The following PLPPR1 variants were observed in gnomAD, a reference collection of about 807,000 sequenced individuals.
PLPPR1 encodes the protein phospholipid phosphatase-related protein type 1.
A neutral mutation model predicts 33.1 loss-of-function variants in PLPPR1; 10 were observed. The ratio of observed to expected loss-of-function variants is 0.30; its 90% confidence interval spans 0.19 to 0.51. PLPPR1 has a LOEUF of 0.51. Ranked by LOEUF, PLPPR1 falls within the 20% of genes least tolerant of loss-of-function variation. The pLI is 0.97. For synonymous variants in PLPPR1, 151 were observed against 151.0 expected, an observed-to-expected ratio of 1.00 and a Z score of 0.00; for missense variants, 304 against 408.1, an observed-to-expected ratio of 0.74 and a Z score of 2.20.
At chr9:101,229,422 A>G (rs1827138170) in intron 2 of PLPPR1, among the ~76,000 whole-genome samples, 1 of 152,094 alleles carries the variant, frequency 6.6e-6, no homozygotes, top group Non-Finnish European at 1.5e-5. Context: ...ATTTTTTTCC[A>G]TTTATAAAAC....
At chr9:101,134,572 T>C (rs538906848) in intron 1 of PLPPR1, among the ~76,000 whole-genome samples, 3 of 151,906 alleles carry the variant, frequency 2.0e-5, no homozygotes, top group South Asian at 2.1e-4. Flanking sequence ...TTTGTAGAGA[T>C]AGTGTTTTGC....
At chr9:101,182,644 T>C (rs1341856081) in intron 1 of PLPPR1, among the ~76,000 whole-genome samples, 1 of 151,720 alleles carries the variant, frequency 6.6e-6, no homozygotes, top group African/African-American at 2.4e-5. Flanking sequence ...TTCTTTAAGA[T>C]GGTTAACTTT....
intron 2 of PLPPR1, among the ~76,000 whole-genome samples, chr9:101,241,398 T>C (rs983573565): frequency 1.2e-4 from 18 of 152,168 alleles, no homozygotes; most frequent in Middle Eastern, 3.4e-3. Flanking sequence ...ACATAAAATA[T>C]ACTAACACTA....
At chr9:101,313,938 T>G in intron 6 of PLPPR1, among the ~76,000 whole-genome samples, 1 of 152,348 alleles carries the variant, frequency 6.6e-6, no homozygotes, top group South Asian at 2.1e-4. Context: ...ATCTTTCACC[T>G]AGCATAATTA....
chr9:101,251,378 G>T (rs113178773), intron 2 of PLPPR1, among the ~76,000 whole-genome samples: 7 of 152,138 alleles, frequency 4.6e-5, no homozygotes, highest in South Asian at 2.1e-4. Context: ...AGATTGCTCT[G>T]GAAATGCAAT....
chr9:101,196,743 T>C (rs552013005), intron 2 of PLPPR1, among the ~76,000 whole-genome samples: 1 of 152,000 alleles, frequency 6.6e-6, no homozygotes, highest in South Asian at 2.1e-4. Context: ...CGGGTGCCTG[T>C]AGTCCCAGCT....
chr9:101,184,116 C>T (rs1826164928), intron 1 of PLPPR1, among the ~76,000 whole-genome samples: 1 of 151,516 alleles, frequency 6.6e-6, no homozygotes, highest in African/African-American at 2.4e-5. Context: ...AGATTCCTTT[C>T]TTATTGTAGA....
At chr9:101,154,855 G>A (rs1034804571) in intron 1 of PLPPR1, among the ~76,000 whole-genome samples, 1 of 150,962 alleles carries the variant, frequency 6.6e-6, no homozygotes, top group Non-Finnish European at 1.5e-5. Context: ...GCAAACTATC[G>A]CAAGGACAAA....
intron 4 of PLPPR1, among the ~76,000 whole-genome samples, chr9:101,290,410 A>C (rs1180150557): frequency 6.6e-6 from 1 of 152,190 alleles, no homozygotes; most frequent in Non-Finnish European, 1.5e-5. Flanking sequence ...TCCACATTGC[A>C]AAAAAGGCCA....
chr9:101,068,951 C>T (rs1830450996), intron 1 of PLPPR1, among the ~76,000 whole-genome samples: 2 of 152,016 alleles, frequency 1.3e-5, no homozygotes, highest in Admixed American at 1.3e-4. Flanking sequence ...AAATGTTTTA[C>T]AAAACAAAAC....
chr9:101,219,518 C>T (rs897824179), intron 2 of PLPPR1, among the ~76,000 whole-genome samples: 3 of 152,172 alleles, frequency 2.0e-5, no homozygotes, highest in Non-Finnish European at 4.4e-5. Context: ...TGCAAATTCT[C>T]TCAGCACAGA....
At chr9:101,119,491 G>A (rs1448797691) in intron 1 of PLPPR1, among the ~76,000 whole-genome samples, 3 of 152,218 alleles carry the variant, frequency 2.0e-5, no homozygotes, top group Non-Finnish European at 4.4e-5. Context: ...ATCTGCATGT[G>A]AGAGTGCAGG....
At chr9:101,198,927 G>T (rs1002772964) in intron 2 of PLPPR1, among the ~76,000 whole-genome samples, 3 of 152,182 alleles carry the variant, frequency 2.0e-5, no homozygotes, top group Admixed American at 2.0e-4. Context: ...GCCAGATTAT[G>T]CAGTGTATTT....
chr9:101,243,990 AAGAG>A (rs1252245645), intron 2 of PLPPR1, among the ~76,000 whole-genome samples: 1 of 151,854 alleles, frequency 6.6e-6, no homozygotes, highest in Non-Finnish European at 1.5e-5. Flanking sequence ...GAATTGATGA[AAGAG>A]ACTTGAGATG....
intron 6 of PLPPR1, among the ~76,000 whole-genome samples, chr9:101,314,608 A>G (rs997572219): frequency 2.6e-5 from 4 of 152,192 alleles, no homozygotes; most frequent in Non-Finnish European, 4.4e-5. Context: ...TGTCTAAAAA[A>G]AAAAAAACCA....
chr9:101,209,797 A>AT (rs1181060580), intron 2 of PLPPR1, among the ~76,000 whole-genome samples: 1 of 152,156 alleles, frequency 6.6e-6, no homozygotes, highest in East Asian at 1.9e-4. Context: ...AATGTGGATA[A>AT]TTTTTTAGCG....
intron 2 of PLPPR1, among the ~76,000 whole-genome samples, chr9:101,212,244 G>A (rs1402897951): frequency 6.6e-6 from 1 of 151,892 alleles, no homozygotes; most frequent in Non-Finnish European, 1.5e-5. Context: ...CACCATGCCT[G>A]GCCAATTTTT....
At chr9:101,250,942 A>G (rs1419746126) in intron 2 of PLPPR1, among the ~76,000 whole-genome samples, 1 of 151,898 alleles carries the variant, frequency 6.6e-6, no homozygotes, top group Non-Finnish European at 1.5e-5. Context: ...TATTCTTGTC[A>G]TCACCTTTTT....
intron 1 of PLPPR1, among the ~76,000 whole-genome samples, chr9:101,037,187 A>G (rs1243192172): frequency 6.6e-6 from 1 of 152,108 alleles, no homozygotes; most frequent in South Asian, 2.1e-4. Flanking sequence ...CCATTCATCA[A>G]TAACAGGGAG....
Sources: gnomAD v4.1 joint callset for allele counts (sites outside exome capture counted in the v4.1 genomes callset) on GRCh38, gnomAD v4.1.1 for gene constraint, MANE v1.5 for transcripts, NCBI Gene and HGNC (gene_info 2026-07-23, HGNC 2026-07-21) for gene names.